The following TG variants were observed in gnomAD, a reference collection of about 807,000 sequenced individuals.
TG encodes thyroglobulin.
TG carries 270 observed loss-of-function variants against 324.7 expected under a neutral mutation model. That is an observed-to-expected ratio of 0.83 (90% CI 0.75 to 0.92). The LOEUF (loss-of-function observed/expected upper bound fraction) is 0.92. Among genes scored for constraint, TG ranks in the 40% least tolerant of loss-of-function variants. TG has a pLI of 0.00. For synonymous variants in TG, 1,401 were observed against 1,327.0 expected (o/e 1.06, Z -1.21); for missense variants, 3,591 against 3,456.4 (o/e 1.04, Z -0.98).
chr8:132,890,942 A>C (rs1282979868), intron 10 of TG, among the ~76,000 whole-genome samples: 2 of 152,182 alleles, frequency 1.3e-5, no homozygotes, highest in Non-Finnish European at 2.9e-5. Flanking sequence ...TACTGTGTGC[A>C]CTGTACTGTA....
intron 43 of TG, among the ~76,000 whole-genome samples, chr8:133,108,806 C>T (rs1383243772): frequency 2.6e-5 from 4 of 152,212 alleles, no homozygotes; most frequent in Non-Finnish European, 4.4e-5. Context: ...GCCCCCTTTG[C>T]CATGTAGTAC....
intron 20 of TG, among the ~76,000 whole-genome samples, chr8:132,918,702 T>C (rs759693348): frequency 6.6e-6 from 1 of 152,210 alleles, no homozygotes; most frequent in Non-Finnish European, 1.5e-5. Context: ...GACACCTCAC[T>C]GCTTGGCCGT....
At position 132,906,840 on chromosome 8, in the gene TG, A is replaced by G. The variant is rs746416178; in HGVS notation, c.3787A>G (p.Ile1263Val). The G allele has an allele frequency of 6.2e-7, 1 of 1,614,042 alleles. No individual in the cohort carries two copies. The highest frequency in any genetic ancestry group is 8.5e-7 in the Non-Finnish European group (1 of 1,180,000). ...GAGCGTGTTTCCACCAGGGCCATTG[A>G]TATGTAGCCTGGAGAGCGGACGCTG... ...SWSVFPPGPLICSLESGRWES... is the reference protein window; with the variant it reads ...SWSVFPPGPLVCSLESGRWES... Residue 1263 changes from isoleucine to valine, a missense_variant, in exon 17 of 48, where the codon ATA (isoleucine) becomes GTA (valine). Transcript: ENST00000220616.
chr8:132,939,672 T>G (rs75824456), intron 25 of TG, among the ~76,000 whole-genome samples: 23,648 of 147,288 alleles, frequency 0.16, 2,691 homozygotes, highest in East Asian at 0.42. Context: ...GGTTTTTTTT[T>G]TTTGTTTGTT....
chr8:133,100,122 T>A (rs1452227367), intron 43 of TG, among the ~76,000 whole-genome samples: 1 of 152,246 alleles, frequency 6.6e-6, no homozygotes, highest in Non-Finnish European at 1.5e-5. Context: ...GCTCACTGGT[T>A]TATCCCTTTA....
At chr8:133,047,081 T>C (rs748071765) in intron 41 of TG, 2 of 152,226 alleles carry the variant, frequency 1.3e-5, no homozygotes, top group East Asian at 1.9e-4. Flanking sequence ...TCTCCTACTG[T>C]AAATCTCATG....
chr8:132,932,070 G>C (rs1822799662), intron 23 of TG, among the ~76,000 whole-genome samples: 3 of 152,108 alleles, frequency 2.0e-5, no homozygotes, highest in Admixed American at 2.0e-4. Context: ...CTCCAGCCTG[G>C]GCAACAGAGC....
chr8:132,879,332 G>A (rs1167985483), intron 5 of TG, among the ~76,000 whole-genome samples: 1 of 152,198 alleles, frequency 6.6e-6, no homozygotes, highest in Non-Finnish European at 1.5e-5. Context: ...TGTTGAACGA[G>A]CACTGGAAAT....
Position 132,897,689 on chromosome 8 carries a change from C to T in TG, c.3042C>T (p.Asp1014=). ...FYQRRRFSPD[D]SAGASALLRS... is the part of the protein sequence containing the mutation. ...AGAGACGCCGCTTTTCCCCGGACGA[C>T]TCGGCTGGAGCATCCGCCCTTCTGC... is the stretch of plus-strand genomic sequence containing the variant. Residue 1014 remains aspartate, a synonymous_variant, in exon 12 of 48, where the codon GAC becomes GAT. Coordinates refer to ENST00000220616, the MANE Select transcript of TG (RefSeq NM_003235.5). 1 of 1,614,230 alleles carries T rather than the reference C, an allele frequency of 6.2e-7. No individual in the cohort carries two copies. Among genetic ancestry groups the T allele is most frequent in the Non-Finnish European group, 8.5e-7 (1 of 1,180,046 alleles).
At chr8:132,871,734 A>T (rs1254882072) in intron 4 of TG, among the ~76,000 whole-genome samples, 183 bp downstream of exon 4, 1 of 152,240 alleles carries the variant, frequency 6.6e-6, no homozygotes, top group African/African-American at 2.4e-5. Flanking sequence ...TAGACAAGCC[A>T]TATTCACTGG....
intron 43 of TG, among the ~76,000 whole-genome samples, chr8:133,101,749 A>G (rs1849284387): frequency 6.6e-6 from 1 of 152,240 alleles, no homozygotes; most frequent in Non-Finnish European, 1.5e-5. Context: ...CAACTGAAAC[A>G]CCATTGATAC....
intron 3 of TG, among the ~76,000 whole-genome samples, chr8:132,870,115 T>C (rs1839344119): frequency 6.6e-6 from 1 of 152,082 alleles, no homozygotes; most frequent in Admixed American, 6.5e-5. Context: ...AATCAGAAAG[T>C]GACCAGAAAA....
chr8:132,983,819 G>A, intron 35 of TG: 1 of 332,654 alleles, frequency 3.0e-6, no homozygotes, highest in South Asian at 2.5e-5. Flanking sequence ...AAGAGTTGGA[G>A]CTTACAGTTA....
intron 43 of TG, among the ~76,000 whole-genome samples, chr8:133,100,136 T>C (rs1849022439): frequency 6.6e-6 from 1 of 152,118 alleles, no homozygotes; most frequent in Non-Finnish European, 1.5e-5. Flanking sequence ...CCCTTTAGAG[T>C]TTCTCAAATA....
intron 41 of TG, 45 bp downstream of exon 41, chr8:133,030,068 T>TG: frequency 6.2e-7 from 1 of 1,611,246 alleles, no homozygotes; most frequent in South Asian, 1.1e-5. Flanking sequence ...CAGATGCGGC[T>TG]GGGGGAGGTG....
At chr8:132,991,697 A>G (rs932473050) in intron 35 of TG, among the ~76,000 whole-genome samples, 6 of 152,028 alleles carry the variant, frequency 3.9e-5, no homozygotes, top group African/African-American at 1.4e-4. Flanking sequence ...GTGCCAAATG[A>G]ATCATGTTGT....
chr8:132,987,365 A>ATATGTG (rs142160158), intron 35 of TG, among the ~76,000 whole-genome samples: 28,988 of 151,966 alleles, frequency 0.19, 3,044 homozygotes, highest in Middle Eastern at 0.33. Context: ...GGATGTGTCT[A>ATATGTG]TATGTGTATG....
chr8:133,068,635 C>T (rs965565908), intron 41 of TG, among the ~76,000 whole-genome samples: 1 of 152,174 alleles, frequency 6.6e-6, no homozygotes, highest in Admixed American at 6.5e-5. Context: ...CTGCAGTCTC[C>T]GTGGCTCACC....
intron 41 of TG, among the ~76,000 whole-genome samples, chr8:133,069,887 G>C (rs1843694934): frequency 6.6e-6 from 1 of 151,220 alleles, no homozygotes; most frequent in Non-Finnish European, 1.5e-5. Context: ...TGAAATCCCA[G>C]CTACTTGGGA....
Sources: gnomAD v4.1 joint callset for allele counts (sites outside exome capture counted in the v4.1 genomes callset) on GRCh38, gnomAD v4.1.1 for gene constraint, MANE v1.5 for transcripts, NCBI Gene and HGNC (gene_info 2026-07-23, HGNC 2026-07-21) for gene names.